Variants in LIN9 observed in about 807,000 individuals in gnomAD.
LIN9 encodes protein lin-9 homolog.
A neutral mutation model predicts 78.0 loss-of-function variants in LIN9; 18 were observed. The observed-to-expected ratio is 0.23, with a 90% CI of 0.16 to 0.34. The LOEUF (loss-of-function observed/expected upper bound fraction) is 0.34, where lower values mean the gene tolerates loss of function less well. Ranked by LOEUF, LIN9 falls within the 10% of genes least tolerant of loss-of-function variation. The probability of loss-of-function intolerance (pLI) is 1.00; values close to 1 mark genes in which losing one functional copy is unlikely to be tolerated. For synonymous variants in LIN9, 192 were observed against 215.2 expected (o/e 0.89, Z 0.94); for missense variants, 451 against 644.1 (o/e 0.70, Z 3.25).
chr1:226,293,356 T>C (rs772175096), intron 4 of LIN9, among the ~76,000 whole-genome samples: 1 of 152,202 alleles, frequency 6.6e-6, no homozygotes, highest in African/African-American at 2.4e-5. Context: ...AGGCAGTGGA[T>C]AGAGTTGCGA....
At chr1:226,235,704 C>T (rs1657659623) in intron 12 of LIN9, among the ~76,000 whole-genome samples, 1 of 152,052 alleles carries the variant, frequency 6.6e-6, no homozygotes, top group East Asian at 1.9e-4. Context: ...AGTTTTTATC[C>T]CCTTCAGTAA....
intron 10 of LIN9, among the ~76,000 whole-genome samples, chr1:226,263,392 A>T (rs1185502050): frequency 6.6e-6 from 1 of 152,162 alleles, no homozygotes; most frequent in Non-Finnish European, 1.5e-5. Flanking sequence ...GTATATGGGA[A>T]ATATCTGTAT....
intron 6 of LIN9, among the ~76,000 whole-genome samples, chr1:226,282,580 G>A (rs1251660583): frequency 6.6e-6 from 1 of 152,176 alleles, no homozygotes; most frequent in Non-Finnish European, 1.5e-5. Context: ...CAGCACTTTG[G>A]GAGGCCGAGG....
chr1:226,286,334 T>G lies in LIN9; in HGVS notation c.523A>C (p.Arg175=), dbSNP rs879374401. Residue 175 remains arginine, a splice_region_variant and synonymous_variant, in exon 6 of 15, where the codon AGA becomes CGA. Transcript: ENST00000681046. ...CAAAAACAAAAACATTATTTTTACC[T>G]CCGTGGTTTTCCCATAAGCCGCCGA... The part of the protein sequence containing the change: ...KIRRLMGKPR[R]CSSAFFEEER... 6.2e-7 allele frequency: 1 copy of G among 1,607,238 alleles called. No homozygotes were observed. The highest frequency in any genetic ancestry group is 8.5e-7 in the Non-Finnish European group (1 of 1,178,444).
At chr1:226,237,128 C>G (rs1306432960) in intron 12 of LIN9, among the ~76,000 whole-genome samples, 2 of 152,110 alleles carry the variant, frequency 1.3e-5, no homozygotes, top group East Asian at 1.9e-4. Context: ...AGGAAAGGAG[C>G]CTATCACAAA....
intron 11 of LIN9, among the ~76,000 whole-genome samples, chr1:226,241,422 T>C (rs1658103329): frequency 1.3e-5 from 2 of 152,232 alleles, no homozygotes; most frequent in African/African-American, 4.8e-5. Flanking sequence ...CTCTATCTCT[T>C]ACAGCGAATT....
At chr1:226,288,478 A>G (rs534418745) in intron 4 of LIN9, among the ~76,000 whole-genome samples, 1 of 152,350 alleles carries the variant, frequency 6.6e-6, no homozygotes, top group Non-Finnish European at 1.5e-5. Flanking sequence ...AAATTTAGAA[A>G]GAAGATAAAA....
intron 2 of LIN9, among the ~76,000 whole-genome samples, 155 bp downstream of exon 2, chr1:226,301,018 A>C (rs906824924): frequency 6.6e-6 from 1 of 152,256 alleles, no homozygotes; most frequent in Non-Finnish European, 1.5e-5. Context: ...CAATTCTCCT[A>C]TAAAAGCATA....
chr1:226,305,939 C>A lies in LIN9; in HGVS notation c.31+3170G>T, dbSNP rs1335100376. Among the ~76,000 whole-genome samples the A allele has an allele frequency of 2.0e-5, 3 of 152,066 alleles. No individual in the cohort carries two copies. The East Asian group carries it at 5.8e-4, about 29-fold the overall frequency. ...AGAGAAGAAATGGTAACAGTTTGGG[C>A]TATGCTGATGGTAAGAAATGGGTAG... On this transcript the variant is annotated intron_variant, in intron 1 of 14. Transcript: ENST00000681046.
intron 7 of LIN9, among the ~76,000 whole-genome samples, chr1:226,272,311 C>T (rs1660334656): frequency 6.6e-6 from 1 of 151,668 alleles, no homozygotes; most frequent in Non-Finnish European, 1.5e-5. Flanking sequence ...CTGCCTCGGC[C>T]TGCCAAAGTG....
chr1:226,308,370 G>GT (rs778757642), intron 1 of LIN9, among the ~76,000 whole-genome samples: 63 of 145,238 alleles, frequency 4.3e-4, no homozygotes, highest in Non-Finnish European at 8.0e-4. Flanking sequence ...CACGTACGCT[G>GT]TGTTGGTCAC....
At chr1:226,264,869 C>T (rs1465985007) in intron 10 of LIN9, among the ~76,000 whole-genome samples, 1 of 152,040 alleles carries the variant, frequency 6.6e-6, no homozygotes, top group African/African-American at 2.4e-5. Flanking sequence ...AATAAATAAA[C>T]AAATGAAAAT....
At chr1:226,276,675 C>T (rs1187198433) in intron 7 of LIN9, among the ~76,000 whole-genome samples, 1 of 152,098 alleles carries the variant, frequency 6.6e-6, no homozygotes, top group Non-Finnish European at 1.5e-5. Context: ...CGAATTACTC[C>T]AACCATTTTT....
chr1:226,243,466 G>A (rs924089528), intron 11 of LIN9, among the ~76,000 whole-genome samples: 6 of 152,000 alleles, frequency 3.9e-5, no homozygotes, highest in Admixed American at 2.6e-4. Flanking sequence ...AGGCCAAGGC[G>A]GGCAGATCAC....
At chr1:226,243,794 A>C (rs1658276630) in intron 11 of LIN9, among the ~76,000 whole-genome samples, 1 of 152,080 alleles carries the variant, frequency 6.6e-6, no homozygotes, top group Non-Finnish European at 1.5e-5. Flanking sequence ...CAAAGAAAGA[A>C]AAACACACAT....
At chr1:226,248,692 AT>A (rs2102861410) in intron 11 of LIN9, among the ~76,000 whole-genome samples, 1 of 152,302 alleles carries the variant, frequency 6.6e-6, no homozygotes, top group East Asian at 1.9e-4. Context: ...CATGAAAATA[AT>A]TTTTAGTATA....
chr1:226,274,167 T>G (rs1278632908), intron 7 of LIN9, among the ~76,000 whole-genome samples: 1 of 152,232 alleles, frequency 6.6e-6, no homozygotes, highest in Non-Finnish European at 1.5e-5. Context: ...ATACTGTGTG[T>G]TCTTACATAA....
At chr1:226,282,274 T>C (rs895454005) in intron 6 of LIN9, among the ~76,000 whole-genome samples, 1 of 152,222 alleles carries the variant, frequency 6.6e-6, no homozygotes, top group African/African-American at 2.4e-5. Context: ...CTTTTACTAC[T>C]ACAAACAATA....
intron 5 of LIN9, 140 bp downstream of exon 5, chr1:226,287,524 A>C: frequency 1.8e-6 from 1 of 566,004 alleles, no homozygotes; most frequent in African/African-American, 2.0e-5. Context: ...AATAGATCCA[A>C]CTGGAATGTG....
Sources: allele counts gnomAD v4.1 joint callset (sites outside exome capture counted in the v4.1 genomes callset), GRCh38; gene constraint gnomAD v4.1.1; transcripts MANE v1.5; gene names NCBI Gene and HGNC (gene_info 2026-07-23, HGNC 2026-07-21).